Variants in PTPRB observed in about 807,000 individuals in gnomAD.
PTPRB encodes receptor-type tyrosine-protein phosphatase beta.
A neutral mutation model predicts 238.1 loss-of-function variants in PTPRB; 97 were observed. That is an observed-to-expected ratio of 0.41 (90% CI 0.35 to 0.48). The LOEUF (loss-of-function observed/expected upper bound fraction) is 0.48, where lower values mean the gene tolerates loss of function less well. Ranked by LOEUF, PTPRB falls within the 20% of genes least tolerant of loss-of-function variation. The pLI is 0.30. For missense variants in PTPRB, 2,292 were observed against 2,681.9 expected, an observed-to-expected ratio of 0.85 and a Z score of 3.21; for synonymous variants, 970 against 995.4, an observed-to-expected ratio of 0.97 and a Z score of 0.48.
intron 7 of PTPRB, among the ~76,000 whole-genome samples, chr12:70,590,970 G>A (rs1203952310): frequency 2.2e-5 from 3 of 138,528 alleles, no homozygotes; most frequent in Non-Finnish European, 4.7e-5. Flanking sequence ...TTGAGACAGG[G>A]TCACACTCTA....
In PTPRB at chr12:70,521,527, CTG is replaced by C. The variant is rs762412091; in HGVS notation, c.6626-18_6626-17del. On this transcript the variant is annotated splice_polypyrimidine_tract_variant and intron_variant, in intron 33 of 33. Transcript: ENST00000334414. ...TAGACTGGATCTGAAAGGAAGAACA[CTG>C]TAATTAGAGACTGCCGCAGGGTGTG... The C allele has an allele frequency of 5.2e-5, 79 of 1,533,738 alleles. No individual in the cohort carries two copies. Among genetic ancestry groups the C allele is most frequent in the Admixed American group, 3.0e-4 (14 of 46,710 alleles).
Position 70,524,969 on chromosome 12 carries a change from A to ATG in PTPRB, c.6505-379_6505-378insCA, listed in dbSNP as rs758133613. On this transcript the variant is annotated intron_variant, in intron 32 of 33. Coordinates refer to ENST00000334414, the MANE Select transcript of PTPRB (RefSeq NM_001109754.4). ...TATATGTGTATATATGTATGTGTAT[A>ATG]TATGTGTGTGTGTGTGTGTGTATAT... 7.6e-4 allele frequency among the ~76,000 whole-genome samples: 99 copies of ATG among 131,036 alleles called. 1 individual carries two copies. Among genetic ancestry groups the ATG allele is most frequent in the Non-Finnish European group, 1.1e-3 (68 of 62,252 alleles). 86.0% of individuals were successfully genotyped at this position (131,036 alleles called of 152,430 possible).
chr12:70,620,834 A>T (rs565243973), intron 3 of PTPRB, among the ~76,000 whole-genome samples: 157 of 152,318 alleles, frequency 1.0e-3, no homozygotes, highest in Non-Finnish European at 1.7e-3. Flanking sequence ...ATTGGTAGAC[A>T]ATGAAAACTC....
chr12:70,597,561 A>C (rs1042965265), intron 4 of PTPRB, among the ~76,000 whole-genome samples: 2 of 152,106 alleles, frequency 1.3e-5, no homozygotes, highest in African/African-American at 2.4e-5. Flanking sequence ...TTTATGAGAA[A>C]TTTTCAGAAA....
chr12:70,576,569 C>T lies in PTPRB; in HGVS notation c.2655G>A (p.Ala885=), dbSNP rs779987845. The change falls in exon 11 of 34, where the codon GCG becomes GCA. Residue 885 remains alanine (A), a synonymous_variant. Transcript: ENST00000334414. ...NDYLSVSWLL[A]PGDVDNYEVT... is the part of the protein sequence containing the mutation. ...CCTCATAGTTATCCACATCTCCGGGCGCCAGCAGCCAGGAAACGCTGAGGT... is the reference window on the plus strand; with the variant it reads ...CCTCATAGTTATCCACATCTCCGGGTGCCAGCAGCCAGGAAACGCTGAGGT... The T allele has an allele frequency of 1.2e-5, 18 of 1,551,302 alleles. No individual in the cohort carries two copies. Among genetic ancestry groups the T allele is most frequent in the South Asian group, 5.9e-5 (5 of 84,134 alleles).
At chr12:70,614,368 T>C (rs918747173) in intron 3 of PTPRB, among the ~76,000 whole-genome samples, 8 of 152,328 alleles carry the variant, frequency 5.3e-5, no homozygotes, top group Admixed American at 1.3e-4. Flanking sequence ...CTGAGCTCTT[T>C]GCTTATAAGA....
At chr12:70,579,675 G>A (rs370049137) in intron 10 of PTPRB, among the ~76,000 whole-genome samples, 2 of 124,506 alleles carry the variant, frequency 1.6e-5, no homozygotes, top group African/African-American at 3.1e-5. Flanking sequence ...CCAGCCTGGC[G>A]ACAAAATGAG....
At chr12:70,629,207 C>T (rs539137830) in intron 2 of PTPRB, among the ~76,000 whole-genome samples, 41 of 152,168 alleles carry the variant, frequency 2.7e-4, no homozygotes, top group African/African-American at 8.9e-4. Flanking sequence ...CTGCGTACTC[C>T]TCAGCAAATG....
At chr12:70,539,090 C>T (rs1874638274) in intron 26 of PTPRB, 76 bp from the exon 27 acceptor site, 2 of 1,135,978 alleles carry the variant, frequency 1.8e-6, no homozygotes, top group Non-Finnish European at 2.6e-6. Context: ...CTGGAGATAA[C>T]ATAATAACAT....
chr12:70,561,265 C>T (rs1878446774), intron 16 of PTPRB, among the ~76,000 whole-genome samples: 1 of 152,152 alleles, frequency 6.6e-6, no homozygotes, highest in Non-Finnish European at 1.5e-5. Context: ...GTTCCAGCTC[C>T]TCCCAGTGTG....
rs2136182804 is a variant in PTPRB, at chr12:70,517,499, A to T, written c.*3990T>A. 1 of 152,350 alleles carries T rather than the reference A, an allele frequency of 6.6e-6. No individual in the cohort carries two copies. The highest frequency in any genetic ancestry group is 1.5e-5 in the Non-Finnish European group (1 of 68,032). The allele number at this position is 152,350 out of a possible 1,614,324, so 9.4% of individuals were successfully genotyped here. A position where few individuals can be genotyped will look rare whatever the true frequency, so the allele number is the denominator to read the frequency against. ...TTTCAGGTTAAAAATAGCAGGGCAG[A>T]AAATTAGCACGGCATTTTCTCCTTC... On this transcript the variant is annotated 3_prime_UTR_variant, in exon 34 of 34. Transcript: ENST00000334414.
chr12:70,556,027 G>T lies in PTPRB; in HGVS notation c.4836C>A (p.Thr1612=), dbSNP rs1213631519. The T allele has an allele frequency of 1.2e-5, 20 of 1,613,766 alleles. No homozygotes were observed. The highest frequency in any genetic ancestry group is 1.3e-5 in the Non-Finnish European group (15 of 1,179,888). The change falls in exon 19 of 34, where the codon ACC becomes ACA. Residue 1612 remains threonine, a synonymous_variant. Transcript: ENST00000334414. ...GCTTTCTGGAAAACTCAACTTCTTG[G>T]GTGTCCATTTTCCGGCATTCAATAC... is the stretch of plus-strand genomic sequence containing the variant. ...GYSIECRKMD[T]QEVEFSRKLE...
At chr12:70,570,372 G>C (rs1472977162) in intron 13 of PTPRB, among the ~76,000 whole-genome samples, 3 of 151,928 alleles carry the variant, frequency 2.0e-5, no homozygotes, top group East Asian at 1.9e-4. Flanking sequence ...TTTGAGGTAG[G>C]GTCTCTGTCT....
At position 70,556,102 on chromosome 12, in the gene PTPRB, C is replaced by T. The variant is rs371327440; in HGVS notation, c.4761G>A (p.Thr1587=). The T allele has an allele frequency of 1.0e-4, 163 of 1,613,726 alleles. No homozygotes were observed. In the African/African-American group the frequency reaches 1.9e-3, roughly 19 times the overall value. ...GAGGGATCCAAGAACAGGCAATGGCCGTGGAGTTCTGAGGCCGGCAATGCA... is the reference window on the plus strand; with the variant it reads ...GAGGGATCCAAGAACAGGCAATGGCTGTGGAGTTCTGAGGCCGGCAATGCA... The part of the protein sequence containing the change: ...QNLHCRPQNS[T]AIACSWIPPD... Residue 1587 remains threonine, a synonymous_variant, in exon 19 of 34, where the codon ACG becomes ACA. Transcript: ENST00000334414.
At chr12:70,631,142 C>A (rs1163807650) in intron 2 of PTPRB, among the ~76,000 whole-genome samples, 1 of 152,116 alleles carries the variant, frequency 6.6e-6, no homozygotes, top group Admixed American at 6.6e-5. Context: ...GCAAAAAGAA[C>A]AAAGCTGGAG....
rs184354840 is a variant in PTPRB at position 70,581,741 on chromosome 12, C to G, written c.2312-439G>C. Among the ~76,000 whole-genome samples the G allele has an allele frequency of 1.8e-4, 27 of 151,884 alleles. 1 individual carries two copies. The East Asian group carries it at 5.2e-3, about 29-fold the overall frequency. On this transcript the variant is annotated intron_variant, in intron 9 of 33. Coordinates refer to ENST00000334414, the MANE Select transcript of PTPRB (RefSeq NM_001109754.4). ...AGTCTGTTGATTATGGTCTAGCAAACTGATTAGTTCTATACTGGCACATTC... is the reference window on the plus strand; with the variant it reads ...AGTCTGTTGATTATGGTCTAGCAAAGTGATTAGTTCTATACTGGCACATTC...
At chr12:70,556,945 C>T (rs747011628) in intron 18 of PTPRB, among the ~76,000 whole-genome samples, 46 of 152,140 alleles carry the variant, frequency 3.0e-4, no homozygotes, top group Admixed American at 1.1e-3. Context: ...GTAAATAAGA[C>T]GTTAGCTCTA....
chr12:70,610,110 A>G (rs1169450306), intron 3 of PTPRB, among the ~76,000 whole-genome samples: 1 of 152,056 alleles, frequency 6.6e-6, no homozygotes, highest in African/African-American at 2.4e-5. Flanking sequence ...TGACTTCCGC[A>G]ATCAAAAGGC....
At chr12:70,572,816 T>G (rs1414999995) in intron 11 of PTPRB, among the ~76,000 whole-genome samples, 2 of 131,166 alleles carry the variant, frequency 1.5e-5, no homozygotes, top group East Asian at 2.1e-4. Flanking sequence ...AAAAGAAAAA[T>G]GGAAGAAGAA....
Sources: gnomAD v4.1 joint callset for allele counts (sites outside exome capture counted in the v4.1 genomes callset) on GRCh38, gnomAD v4.1.1 for gene constraint, MANE v1.5 for transcripts, NCBI Gene and HGNC (gene_info 2026-07-23, HGNC 2026-07-21) for gene names.